RIMS2: variants seen among roughly 807,000 people sequenced by gnomAD.
RIMS2 encodes regulating synaptic membrane exocytosis protein 2.
RIMS2 carries 59 observed loss-of-function variants against 174.4 expected under a neutral mutation model. The ratio of observed to expected loss-of-function variants is 0.34; its 90% CI spans 0.27 to 0.42. The LOEUF (loss-of-function observed/expected upper bound fraction) is 0.42. Among genes scored for constraint, RIMS2 ranks in the 10% least tolerant of loss-of-function variants. RIMS2 has a pLI of 1.00. For synonymous variants in RIMS2, 606 were observed against 572.5 expected, an observed-to-expected ratio of 1.06 and a Z score of -0.84; for missense variants, 1,620 against 1,666.3, an observed-to-expected ratio of 0.97 and a Z score of 0.48.
chr8:104,132,134 T>C (rs2133026645), intron 19 of RIMS2, among the ~76,000 whole-genome samples: 1 of 152,332 alleles, frequency 6.6e-6, no homozygotes. Context: ...TCTTATTTTG[T>C]ATGTTAACAT....
chr8:103,743,120 A>G (rs1175146616), intron 2 of RIMS2, among the ~76,000 whole-genome samples: 1 of 152,178 alleles, frequency 6.6e-6, no homozygotes, highest in African/African-American at 2.4e-5. Flanking sequence ...AGCATCACTA[A>G]TGTTCTCTGG....
intron 19 of RIMS2, among the ~76,000 whole-genome samples, chr8:104,186,952 CAGGAAAATAG>C (rs2098971288): frequency 6.6e-6 from 1 of 150,918 alleles, no homozygotes. Flanking sequence ...ATATGTCTTG[CAGGAAAATAG>C]AGGAAAGAAC....
At chr8:104,236,456 C>G (rs1258299899) in intron 19 of RIMS2, among the ~76,000 whole-genome samples, 1 of 151,946 alleles carries the variant, frequency 6.6e-6, no homozygotes, top group South Asian at 2.1e-4. Context: ...GAAACATAAT[C>G]AAACTTAAAA....
intron 3 of RIMS2, among the ~76,000 whole-genome samples, chr8:103,859,117 G>T (rs2099044431): frequency 6.6e-6 from 1 of 152,100 alleles, no homozygotes; most frequent in African/African-American, 2.4e-5. Flanking sequence ...GAAATCTAAT[G>T]TGGGCAAGAA....
At chr8:103,716,911 C>T (rs17234965) in intron 2 of RIMS2, among the ~76,000 whole-genome samples, 8 of 151,986 alleles carry the variant, frequency 5.3e-5, no homozygotes, top group Non-Finnish European at 7.4e-5. Context: ...ACTAGACTAC[C>T]GGCTAGGTTT....
chr8:103,605,582 T>A (rs202228972), intron 1 of RIMS2, among the ~76,000 whole-genome samples: 2 of 151,640 alleles, frequency 1.3e-5, no homozygotes, highest in East Asian at 3.9e-4. Context: ...ATGGTACCAG[T>A]TCCTCCTTGT....
At chr8:103,548,679 CA>C (rs1409585835) in intron 1 of RIMS2, among the ~76,000 whole-genome samples, 1 of 152,068 alleles carries the variant, frequency 6.6e-6, no homozygotes, top group African/African-American at 2.4e-5. Context: ...AGCAATAAGG[CA>C]AGAGAAAGAA....
intron 1 of RIMS2, among the ~76,000 whole-genome samples, chr8:103,682,452 A>G (rs947899654): frequency 2.6e-5 from 4 of 152,162 alleles, no homozygotes; most frequent in African/African-American, 9.6e-5. Flanking sequence ...TAATATGATG[A>G]CTGAAACGTT....
chr8:103,957,373 G>T (rs1375316490), intron 14 of RIMS2, among the ~76,000 whole-genome samples: 4 of 152,180 alleles, frequency 2.6e-5, no homozygotes, highest in Non-Finnish European at 5.9e-5. Context: ...ATGAATCAAT[G>T]ATAGACTGGA....
chr8:103,702,895 GGCTATCTAGCATC>G (rs2097182769), intron 2 of RIMS2, among the ~76,000 whole-genome samples: 1 of 114,052 alleles, frequency 8.8e-6, no homozygotes. Context: ...GAATTGCTTT[GGCTATCTAGCATC>G]TTTTTGGTTG....
intron 19 of RIMS2, among the ~76,000 whole-genome samples, chr8:104,142,553 G>A (rs750650693): frequency 1.2e-4 from 19 of 152,032 alleles, no homozygotes; most frequent in Non-Finnish European, 1.9e-4. Flanking sequence ...TGGAATTTTT[G>A]GCATTAACAA....
At chr8:104,000,347 C>T (rs1018933966) in intron 17 of RIMS2, among the ~76,000 whole-genome samples, 3 of 151,626 alleles carry the variant, frequency 2.0e-5, no homozygotes, top group South Asian at 2.1e-4. Flanking sequence ...TAATGTCCTC[C>T]ATTTTCATTC....
intron 1 of RIMS2, among the ~76,000 whole-genome samples, chr8:103,647,222 A>G (rs1276877543): frequency 6.6e-6 from 1 of 152,092 alleles, no homozygotes; most frequent in Non-Finnish European, 1.5e-5. Flanking sequence ...GTGCTGCTGG[A>G]TTCGGTTTGC....
chr8:103,588,373 A>C (rs2133193001), intron 1 of RIMS2, among the ~76,000 whole-genome samples: 1 of 152,060 alleles, frequency 6.6e-6, no homozygotes, highest in Non-Finnish European at 1.5e-5. Flanking sequence ...CCCTTTCAAA[A>C]TACCAATGGC....
intron 2 of RIMS2, among the ~76,000 whole-genome samples, chr8:103,751,242 C>T (rs1015608395): frequency 6.6e-6 from 1 of 152,102 alleles, no homozygotes; most frequent in African/African-American, 2.4e-5. Context: ...TGATGGTTTC[C>T]AGTTTCATCC....
At chr8:103,672,871 G>A (rs7825696) in intron 1 of RIMS2, among the ~76,000 whole-genome samples, 26,904 of 152,028 alleles carry the variant, frequency 0.18, 2,589 homozygotes, top group African/African-American at 0.24. Flanking sequence ...TCCAAAGTCC[G>A]AAGTTTCATC....
rs1244963552 is a variant in RIMS2, at chr8:103,838,591, C to T, written c.699-46707C>T. Among the ~76,000 whole-genome samples the T allele has an allele frequency of 2.6e-5, 4 of 152,306 alleles. No homozygotes were observed. In the East Asian group the frequency reaches 7.7e-4, roughly 29 times the overall value. On this transcript the variant is annotated intron_variant, in intron 3 of 23. Coordinates refer to ENST00000504942, the Ensembl canonical transcript of RIMS2. ...CAGATACCAATCTCAACATCTCTCA[C>T]TCTATTATCTAATAACGTCAGAGTG...
In RIMS2 at chr8:103,574,569, G is replaced by A. The variant is rs114994914; in HGVS notation, c.176+73507G>A. Among the ~76,000 whole-genome samples, 506 of 152,192 alleles carry A rather than the reference G, an allele frequency of 3.3e-3. 2 individuals are homozygous for A. Among genetic ancestry groups the A allele is most frequent in the African/African-American group, 0.011 (473 of 41,516 alleles). On this transcript the variant is annotated intron_variant, in intron 1 of 23. Coordinates refer to ENST00000504942, the Ensembl canonical transcript of RIMS2. ...ATGTCATTCTCTGTCTATAATGTTT[G>A]GATTCACTGCAATTCCATTCTCTCT...
intron 19 of RIMS2, among the ~76,000 whole-genome samples, chr8:104,100,919 TTA>T (rs1185563931): frequency 5.9e-5 from 8 of 134,546 alleles, no homozygotes; most frequent in Middle Eastern, 3.7e-3. Context: ...ATGTAATATA[TTA>T]TATATGTGAT....
Sources: allele counts gnomAD v4.1 joint callset (sites outside exome capture counted in the v4.1 genomes callset), GRCh38; gene constraint gnomAD v4.1.1; transcripts MANE v1.5; gene names NCBI Gene and HGNC (gene_info 2026-07-23, HGNC 2026-07-21).